The following EXO1 variants were observed in gnomAD, a reference collection of about 807,000 sequenced individuals.
The protein encoded by EXO1 is exonuclease 1.
EXO1 carries 69 observed loss-of-function variants against 84.5 expected under a neutral mutation model. That is an observed-to-expected ratio of 0.82 (90% CI 0.67 to 1.00). The LOEUF is 1.00. Ranked by LOEUF, EXO1 falls within the 50% of genes least tolerant of loss-of-function variation. EXO1 has a pLI of 0.00. For synonymous variants in EXO1, 373 were observed against 366.1 expected (o/e 1.02, Z -0.21); for missense variants, 1,045 against 1,000.7 (o/e 1.04, Z -0.60).
chr1:241,852,170 C>G (rs1384076793), intron 4 of EXO1, 122 bp from the exon 5 acceptor site: 4 of 864,962 alleles, frequency 4.6e-6, no homozygotes, highest in African/African-American at 3.4e-5. Flanking sequence ...ATGAAAACAT[C>G]TGCTTAAAAT....
intron 8 of EXO1, among the ~76,000 whole-genome samples, 164 bp downstream of exon 8, chr1:241,858,882 CAT>C (rs1302779976): frequency 6.6e-6 from 1 of 152,124 alleles, no homozygotes; most frequent in Non-Finnish European, 1.5e-5. Flanking sequence ...TAGCAACTAA[CAT>C]ATATTGGGAA....
intron 6 of EXO1, among the ~76,000 whole-genome samples, chr1:241,855,876 CG>C (rs1311825922): frequency 2.6e-5 from 4 of 152,340 alleles, no homozygotes; most frequent in African/African-American, 7.2e-5. Flanking sequence ...GCTCTGAGTG[CG>C]GGGCCGCCAA....
chr1:241,884,303 T>A (rs934124525), intron 14 of EXO1, among the ~76,000 whole-genome samples: 2 of 152,198 alleles, frequency 1.3e-5, no homozygotes, highest in African/African-American at 4.8e-5. Context: ...AACCTTTATT[T>A]TGTTTTAACT....
At chr1:241,860,439 T>A in intron 8 of EXO1, 78 bp from the exon 9 acceptor site, 2 of 1,145,288 alleles carry the variant, frequency 1.7e-6, no homozygotes, top group Non-Finnish European at 2.7e-6. Context: ...TCTTTATGAA[T>A]GTAAATCAAT....
intron 5 of EXO1, among the ~76,000 whole-genome samples, chr1:241,852,650 C>T (rs4149866): frequency 2.0e-5 from 3 of 152,102 alleles, no homozygotes; most frequent in Admixed American, 1.3e-4. Flanking sequence ...AGTGAGACCC[C>T]GTCACTAACA....
intron 11 of EXO1, among the ~76,000 whole-genome samples, chr1:241,870,240 T>C (rs1662013882): frequency 6.6e-6 from 1 of 152,214 alleles, no homozygotes; most frequent in African/African-American, 2.4e-5. Context: ...CTACAACTTA[T>C]CAATAGGTTT....
At chr1:241,882,795 C>CA (rs1219589380) in intron 14 of EXO1, among the ~76,000 whole-genome samples, 1 of 151,824 alleles carries the variant, frequency 6.6e-6, no homozygotes, top group Non-Finnish European at 1.5e-5. Flanking sequence ...CTTCATATTT[C>CA]AAAAAAATGT....
chr1:241,870,730 T>G (rs1474698679), intron 11 of EXO1, among the ~76,000 whole-genome samples: 1 of 152,194 alleles, frequency 6.6e-6, no homozygotes, highest in Non-Finnish European at 1.5e-5. Flanking sequence ...GCCTGTTAAT[T>G]TTTTTGTTCG....
chr1:241,855,633 T>C (rs1660958630), intron 6 of EXO1, among the ~76,000 whole-genome samples: 1 of 151,702 alleles, frequency 6.6e-6, no homozygotes, highest in Non-Finnish European at 1.5e-5. Flanking sequence ...GAGCAGGGGG[T>C]GGTGCTCGTT....
intron 13 of EXO1, 74 bp from the exon 14 acceptor site, chr1:241,881,842 A>G: frequency 1.4e-6 from 1 of 724,758 alleles, no homozygotes; most frequent in Non-Finnish European, 2.4e-6. Flanking sequence ...ATTTTGTTGA[A>G]TATTAGTTTG....
At chr1:241,871,450 G>T (rs1662086134) in intron 11 of EXO1, among the ~76,000 whole-genome samples, 1 of 152,118 alleles carries the variant, frequency 6.6e-6, no homozygotes, top group African/African-American at 2.4e-5. Flanking sequence ...TTAAACTTTT[G>T]TTATTATTTA....
chr1:241,886,073 G>A (rs1663054441), intron 15 of EXO1, among the ~76,000 whole-genome samples: 2 of 151,998 alleles, frequency 1.3e-5, no homozygotes, highest in Admixed American at 6.6e-5. Flanking sequence ...GGCTAGTCTC[G>A]AACTCCCAAC....
chr1:241,875,302 C>G (rs2148494159), intron 12 of EXO1, among the ~76,000 whole-genome samples: 1 of 152,286 alleles, frequency 6.6e-6, no homozygotes, highest in Admixed American at 6.5e-5. Flanking sequence ...CCACACTCTG[C>G]CCTGTTTTTC....
At chr1:241,850,150 G>A (rs58561135) in intron 3 of EXO1, among the ~76,000 whole-genome samples, 1,889 of 152,044 alleles carry the variant, frequency 0.012, 31 homozygotes, top group African/African-American at 0.044. Context: ...GCGCGGTGGC[G>A]GGCGCCTGTA....
intron 15 of EXO1, among the ~76,000 whole-genome samples, chr1:241,885,844 GTTTTTT>G (rs1663035623): frequency 1.1e-4 from 1 of 8,860 alleles, no homozygotes; most frequent in Admixed American, 2.1e-3. Context: ...TTGGTTTTTT[GTTTTTT>G]GTTTTTTGTT....
At chr1:241,867,546 A>C (rs1259619452) in intron 11 of EXO1, among the ~76,000 whole-genome samples, 3 of 151,948 alleles carry the variant, frequency 2.0e-5, no homozygotes, top group Non-Finnish European at 4.4e-5. Context: ...TAGCTCTTAC[A>C]TTTTACAGTT....
At chr1:241,883,455 C>T (rs1193664085) in intron 14 of EXO1, among the ~76,000 whole-genome samples, 1 of 152,112 alleles carries the variant, frequency 6.6e-6, no homozygotes, top group African/African-American at 2.4e-5. Context: ...TTCTTAAGGG[C>T]ACTAATCTCA....
At chr1:241,870,030 T>G (rs1311982740) in intron 11 of EXO1, among the ~76,000 whole-genome samples, 1 of 152,174 alleles carries the variant, frequency 6.6e-6, no homozygotes, top group African/African-American at 2.4e-5. Flanking sequence ...CAGGCTGGTC[T>G]TGAACTCCTG....
chr1:241,861,541 G>A (rs767259099), intron 10 of EXO1, 39 bp downstream of exon 10: 4 of 1,061,958 alleles, frequency 3.8e-6, no homozygotes, highest in South Asian at 3.7e-5. Context: ...ACACGTTTTA[G>A]TTATGTCCCG....
Sources: allele counts gnomAD v4.1 joint callset (sites outside exome capture counted in the v4.1 genomes callset), GRCh38; gene constraint gnomAD v4.1.1; transcripts MANE v1.5; gene names NCBI Gene and HGNC (gene_info 2026-07-23, HGNC 2026-07-21).